Variants in STK32B observed in about 807,000 individuals in gnomAD.
STK32B encodes the protein serine/threonine kinase 32B.
In STK32B, 43 loss-of-function variants were observed where a neutral mutation model predicts 52.6. The ratio of observed to expected loss-of-function variants is 0.82; its 90% CI spans 0.64 to 1.05. The LOEUF is 1.05. Ranked by LOEUF, STK32B falls within the 50% of genes least tolerant of loss-of-function variation. The probability of loss-of-function intolerance (pLI) is 0.00; values close to 1 mark genes in which losing one functional copy is unlikely to be tolerated. For synonymous variants in STK32B, 238 were observed against 204.3 expected (o/e 1.17, Z -1.41); for missense variants, 621 against 534.6 (o/e 1.16, Z -1.59).
intron 7 of STK32B, chr4:5,447,067 G>T (rs1215979238): frequency 1.8e-5 from 5 of 276,334 alleles, no homozygotes; most frequent in Non-Finnish European, 3.5e-5. Flanking sequence ...TGGCCTCGTG[G>T]TTTCAAACAC....
In STK32B at chr4:5,441,998, T is replaced by C. The variant is rs1714824071; in HGVS notation, c.563-4675T>C. Reference sequence around the variant, plus strand: ...TTGTTATAATTTCTGTTCTTTTACATTTGCTGAGGAGAGCTTTACTTCCAA... The same window carrying C: ...TTGTTATAATTTCTGTTCTTTTACACTTGCTGAGGAGAGCTTTACTTCCAA... On this transcript the variant is annotated intron_variant, in intron 6 of 11. Coordinates refer to ENST00000282908, the MANE Select transcript of STK32B (RefSeq NM_018401.3). 6.8e-5 allele frequency among the ~76,000 whole-genome samples: 8 copies of C among 118,272 alleles called. No individual in the cohort carries two copies. The South Asian group carries it at 3.1e-3, about 46-fold the overall frequency. 77.6% of individuals were successfully genotyped at this position (118,272 alleles called of 152,430 possible).
intron 6 of STK32B, among the ~76,000 whole-genome samples, chr4:5,443,053 C>T (rs1397749851): frequency 6.6e-6 from 1 of 150,958 alleles, no homozygotes; most frequent in African/African-American, 2.4e-5. Context: ...TCCTTCATTT[C>T]AACTTTGGTG....
chr4:5,094,628 C>G (rs1443715153), intron 1 of STK32B, among the ~76,000 whole-genome samples: 2 of 152,052 alleles, frequency 1.3e-5, no homozygotes, highest in Non-Finnish European at 2.9e-5. Context: ...GCACTCCAGC[C>G]TAGGTGACAG....
chr4:5,313,992 A>C (rs957307799), intron 3 of STK32B, among the ~76,000 whole-genome samples: 4 of 152,220 alleles, frequency 2.6e-5, no homozygotes, highest in Admixed American at 6.5e-5. Flanking sequence ...TAGTAAAGAT[A>C]ACAGTTGTCC....
chr4:5,239,079 A>C (rs1400261497), intron 3 of STK32B, among the ~76,000 whole-genome samples: 1 of 152,178 alleles, frequency 6.6e-6, no homozygotes, highest in Non-Finnish European at 1.5e-5. Flanking sequence ...GATGCATTCC[A>C]TGCTGCAGGA....
chr4:5,110,725 C>T (rs973043086), intron 1 of STK32B, among the ~76,000 whole-genome samples: 1 of 151,912 alleles, frequency 6.6e-6, no homozygotes, highest in Non-Finnish European at 1.5e-5. Flanking sequence ...ACAAAGACCT[C>T]AAAAGTAAAT....
At chr4:5,156,503 C>T (rs917522073) in intron 2 of STK32B, among the ~76,000 whole-genome samples, 1 of 152,150 alleles carries the variant, frequency 6.6e-6, no homozygotes, top group East Asian at 1.9e-4. Flanking sequence ...CTCCTCTTGA[C>T]CCCTTTGATG....
At chr4:5,292,965 T>C (rs1056598643) in intron 3 of STK32B, among the ~76,000 whole-genome samples, 10 of 151,958 alleles carry the variant, frequency 6.6e-5, no homozygotes, top group African/African-American at 2.4e-4. Context: ...TGACAGGCCC[T>C]GGTGTGTGAT....
At chr4:5,084,459 A>G (rs1481467920) in intron 1 of STK32B, among the ~76,000 whole-genome samples, 1 of 152,240 alleles carries the variant, frequency 6.6e-6, no homozygotes, top group African/African-American at 2.4e-5. Context: ...TTTTGAAGAC[A>G]TGAAAAAAAT....
At chr4:5,437,442 A>T (rs1282052880) in intron 6 of STK32B, among the ~76,000 whole-genome samples, 2 of 152,210 alleles carry the variant, frequency 1.3e-5, no homozygotes, top group East Asian at 3.9e-4. Context: ...TTGTCTTCAC[A>T]TGGCCGTCTT....
At chr4:5,317,370 T>C (rs1731126654) in intron 3 of STK32B, among the ~76,000 whole-genome samples, 2 of 91,922 alleles carry the variant, frequency 2.2e-5, no homozygotes, top group African/African-American at 1.4e-4. Context: ...AATGTATATG[T>C]ATTATATATA....
At chr4:5,125,794 T>G (rs1715328034) in intron 1 of STK32B, among the ~76,000 whole-genome samples, 1 of 152,210 alleles carries the variant, frequency 6.6e-6, no homozygotes, top group Non-Finnish European at 1.5e-5. Context: ...AACTCCTTGC[T>G]TCAAACCCAG....
In STK32B at chr4:5,318,288, T is replaced by G. The variant is rs569673294; in HGVS notation, c.261-12932T>G. Among the ~76,000 whole-genome samples the G allele has an allele frequency of 7.9e-5, 12 of 152,134 alleles. No individual in the cohort carries two copies. The South Asian group carries it at 2.3e-3, about 29-fold the overall frequency. On this transcript the variant is annotated intron_variant, in intron 3 of 11. Transcript: ENST00000282908. Reference sequence around the variant, plus strand: ...TAGGAAGTCAGAAAGAAGTGGGGCTTCTTAAAACAGGCAGTGAAAGAAGGC... The same window carrying G: ...TAGGAAGTCAGAAAGAAGTGGGGCTGCTTAAAACAGGCAGTGAAAGAAGGC...
chr4:5,267,371 CT>C (rs1727122413), intron 3 of STK32B, among the ~76,000 whole-genome samples: 1 of 152,148 alleles, frequency 6.6e-6, no homozygotes, highest in African/African-American at 2.4e-5. Context: ...TTACCTGCCC[CT>C]CCCCGCTTTC....
rs1051307135 is a variant in STK32B at position 5,469,688 on chromosome 4, C to A, written c.1106+1618C>A. Among the ~76,000 whole-genome samples the A allele has an allele frequency of 6.6e-6, 1 of 152,218 alleles. No homozygotes were observed. Among genetic ancestry groups the A allele is most frequent in the East Asian group, 1.9e-4 (1 of 5,186 alleles). On this transcript the variant is annotated intron_variant, in intron 11 of 11. Coordinates refer to ENST00000282908, the MANE Select transcript of STK32B (RefSeq NM_018401.3). This position sits in a 1 kb window ranked among gnomAD's most constrained non-coding sequence, Gnocchi z 4.7. Reference sequence around the variant, plus strand: ...ATGGGTGCCCAGATCAGCACAGACACACACACCAGGCTTGGGCAGCAAGCC... The same window carrying A: ...ATGGGTGCCCAGATCAGCACAGACAAACACACCAGGCTTGGGCAGCAAGCC...
In STK32B at chr4:5,400,750, A is replaced by G. The variant is rs1737239043; in HGVS notation, c.472+2506A>G. Among the ~76,000 whole-genome samples the G allele has an allele frequency of 6.6e-6, 1 of 152,102 alleles. No individual in the cohort carries two copies. The highest frequency in any genetic ancestry group is 1.5e-5 in the Non-Finnish European group (1 of 68,014). Reference sequence around the variant, plus strand: ...CTCCTTTACCTGCTCTTCTGAGGGGAGCTGATCGGCTTTTTGAGCAGAGCC... The same window carrying G: ...CTCCTTTACCTGCTCTTCTGAGGGGGGCTGATCGGCTTTTTGAGCAGAGCC... On this transcript the variant is annotated intron_variant, in intron 5 of 11. Transcript: ENST00000282908. This position sits in a 1 kb window ranked among gnomAD's most constrained non-coding sequence, Gnocchi z 6.1.
At chr4:5,246,426 G>C (rs188942479) in intron 3 of STK32B, among the ~76,000 whole-genome samples, 1 of 152,280 alleles carries the variant, frequency 6.6e-6, no homozygotes, top group Admixed American at 6.5e-5. Flanking sequence ...AGCTCCATCA[G>C]CTACTTTAAG....
chr4:5,358,457 C>G (rs1046785549), intron 4 of STK32B, among the ~76,000 whole-genome samples: 6 of 152,160 alleles, frequency 3.9e-5, no homozygotes, highest in African/African-American at 1.4e-4. Flanking sequence ...CCGTGTTCTC[C>G]CTCCAGCTCT....
intron 4 of STK32B, among the ~76,000 whole-genome samples, chr4:5,367,226 G>A (rs538056569): frequency 3.3e-5 from 5 of 152,210 alleles, no homozygotes; most frequent in South Asian, 2.1e-4. Context: ...GTGAAAGGTC[G>A]GTTAGCCTCA....
Sources: allele counts gnomAD v4.1 joint callset (sites outside exome capture counted in the v4.1 genomes callset), GRCh38; gene constraint gnomAD v4.1.1; non-coding constraint Gnocchi (gnomAD v3.1); transcripts MANE v1.5; gene names NCBI Gene and HGNC (gene_info 2026-07-23, HGNC 2026-07-21).